The following LRRC1 variants were observed in gnomAD, a reference collection of about 807,000 sequenced individuals.
LRRC1 encodes leucine-rich repeat-containing protein 1.
LRRC1 carries 28 observed loss-of-function variants against 69.9 expected under a neutral mutation model. The observed-to-expected ratio is 0.40, with a 90% CI of 0.30 to 0.55. LRRC1 has a LOEUF of 0.55. LRRC1 is among the 20% of genes least tolerant of loss of function. The pLI is 0.47. For missense variants in LRRC1, 498 were observed against 609.0 expected (o/e 0.82, Z 1.92); for synonymous variants, 236 against 240.2 (o/e 0.98, Z 0.16).
At chr6:53,884,349 A>C (rs1471039886) in intron 4 of LRRC1, among the ~76,000 whole-genome samples, 2 of 150,624 alleles carry the variant, frequency 1.3e-5, no homozygotes, top group Non-Finnish European at 3.0e-5. Context: ...TACAAAAACA[A>C]AAAAAAAATT....
At chr6:53,807,696 G>A (rs960993424) in intron 1 of LRRC1, among the ~76,000 whole-genome samples, 2 of 152,126 alleles carry the variant, frequency 1.3e-5, no homozygotes, top group African/African-American at 4.8e-5. Context: ...AGTGAGCCAA[G>A]ATCACGCCAT....
intron 1 of LRRC1, among the ~76,000 whole-genome samples, chr6:53,836,943 G>C (rs962387793): frequency 6.6e-6 from 1 of 151,968 alleles, no homozygotes; most frequent in African/African-American, 2.4e-5. Context: ...AATTAGTTCA[G>C]GTGATTTATT....
At chr6:53,849,401 C>G in intron 2 of LRRC1, among the ~76,000 whole-genome samples, 1 of 152,220 alleles carries the variant, frequency 6.6e-6, no homozygotes, top group East Asian at 1.9e-4. Context: ...AGTTTCTGCT[C>G]ACTTTTTAAT....
rs374887205 is a variant in LRRC1 at position 53,913,859 on chromosome 6, C to T, written c.996C>T (p.Gly332=). The T allele has an allele frequency of 1.8e-5, 28 of 1,586,646 alleles. No individual in the cohort carries two copies. Among genetic ancestry groups the T allele is most frequent in the East Asian group, 2.2e-5 (1 of 44,542 alleles). The part of the protein sequence containing the change: ...NKLVSLPKEI[G]GCCSLTVFCV... ...TATTTTCTTTCTCACCATAGATCGG[C>T]GGGTGCTGCAGCCTCACTGTGTTCT... The change falls in exon 11 of 14, where the codon GGC becomes GGT. Residue 332 remains glycine (G), a synonymous_variant. Coordinates refer to ENST00000370888, the MANE Select transcript of LRRC1 (RefSeq NM_018214.5).
At chr6:53,914,460 T>G (rs921412929) in intron 11 of LRRC1, among the ~76,000 whole-genome samples, 1 of 152,122 alleles carries the variant, frequency 6.6e-6, no homozygotes, top group African/African-American at 2.4e-5. Context: ...AGGGAAGTGT[T>G]TACAGCTAAT....
chr6:53,879,261 G>A (rs977528119), intron 3 of LRRC1, among the ~76,000 whole-genome samples, 190 bp downstream of exon 3: 3 of 152,174 alleles, frequency 2.0e-5, no homozygotes, highest in East Asian at 1.9e-4. Flanking sequence ...CTATTCTATT[G>A]ATAGAAACCT....
In LRRC1 at chr6:53,920,620, T is replaced by C; in HGVS notation, c.1280-5T>C. The C allele has an allele frequency of 6.2e-7, 1 of 1,614,174 alleles. No homozygotes were observed. The highest frequency in any genetic ancestry group is 8.5e-7 in the Non-Finnish European group (1 of 1,179,992). On this transcript the variant is annotated splice_region_variant and splice_polypyrimidine_tract_variant and intron_variant, in intron 12 of 13. Coordinates refer to ENST00000370888, the MANE Select transcript of LRRC1 (RefSeq NM_018214.5). Reference sequence around the variant, plus strand: ...TCCCTGCTTATGTGGTCTTTGTCACTGCAGAGAATCTGCCTCGCTGTGGTG... The same window carrying C: ...TCCCTGCTTATGTGGTCTTTGTCACCGCAGAGAATCTGCCTCGCTGTGGTG...
At chr6:53,836,431 A>G (rs1765614733) in intron 1 of LRRC1, among the ~76,000 whole-genome samples, 1 of 152,168 alleles carries the variant, frequency 6.6e-6, no homozygotes, top group African/African-American at 2.4e-5. Context: ...CTTACTGCCA[A>G]ACATATAGTG....
At chr6:53,827,432 G>A (rs966408875) in intron 1 of LRRC1, among the ~76,000 whole-genome samples, 1 of 152,056 alleles carries the variant, frequency 6.6e-6, no homozygotes, top group African/African-American at 2.4e-5. Flanking sequence ...GTATAATATG[G>A]TTTATTACTA....
chr6:53,824,363 C>T (rs906298702), intron 1 of LRRC1, among the ~76,000 whole-genome samples: 26 of 151,824 alleles, frequency 1.7e-4, no homozygotes, highest in Non-Finnish European at 2.9e-5. Flanking sequence ...GATTTGTTTA[C>T]ACTCCTTGTA....
At chr6:53,823,417 G>A (rs1478174477) in intron 1 of LRRC1, among the ~76,000 whole-genome samples, 1 of 152,026 alleles carries the variant, frequency 6.6e-6, no homozygotes, top group Admixed American at 6.6e-5. Flanking sequence ...GTAGTGCTAG[G>A]GTTTTTCTAC....
At chr6:53,842,729 A>C (rs551759018) in intron 2 of LRRC1, among the ~76,000 whole-genome samples, 1 of 152,110 alleles carries the variant, frequency 6.6e-6, no homozygotes, top group African/African-American at 2.4e-5. Flanking sequence ...GCTGTGTCTC[A>C]GTTGCTTGGT....
chr6:53,852,958 C>G (rs1028820741), intron 2 of LRRC1, among the ~76,000 whole-genome samples: 6 of 152,148 alleles, frequency 3.9e-5, no homozygotes, highest in African/African-American at 1.4e-4. Flanking sequence ...CTGGGAAGTC[C>G]AAGATCCAGG....
intron 1 of LRRC1, among the ~76,000 whole-genome samples, chr6:53,827,326 A>AC (rs1554180597): frequency 1.3e-5 from 2 of 151,626 alleles, no homozygotes; most frequent in Admixed American, 6.6e-5. Flanking sequence ...AAAAAAAAAA[A>AC]CAGTTGAAGT....
At chr6:53,877,403 T>C (rs1243066400) in intron 2 of LRRC1, among the ~76,000 whole-genome samples, 1 of 152,180 alleles carries the variant, frequency 6.6e-6, no homozygotes, top group Admixed American at 6.5e-5. Flanking sequence ...ACATTCAGCT[T>C]CTCGTTACTT....
At chr6:53,840,934 G>GTGCA (rs1765769192) in intron 1 of LRRC1, among the ~76,000 whole-genome samples, 1 of 149,420 alleles carries the variant, frequency 6.7e-6, no homozygotes. Context: ...GTGTGCGTGC[G>GTGCA]CGCACATTCT....
In LRRC1 at chr6:53,804,001, A is replaced by T. The variant is rs79414915; in HGVS notation, c.159+8586A>T. 2.0e-3 allele frequency among the ~76,000 whole-genome samples: 298 copies of T among 152,238 alleles called. 3 individuals carry two copies. In the East Asian group the frequency reaches 0.041, roughly 21 times the overall value. ...TGTGAGGGCCAGAAAGGGGCTGCAAACCTCTCAGGATGTGATGTGGGCTCT... is the reference window on the plus strand; with the variant it reads ...TGTGAGGGCCAGAAAGGGGCTGCAATCCTCTCAGGATGTGATGTGGGCTCT... On this transcript the variant is annotated intron_variant, in intron 1 of 13. Coordinates refer to ENST00000370888, the MANE Select transcript of LRRC1 (RefSeq NM_018214.5).
At chr6:53,814,134 A>G (rs1221701341) in intron 1 of LRRC1, among the ~76,000 whole-genome samples, 1 of 152,062 alleles carries the variant, frequency 6.6e-6, no homozygotes, top group Non-Finnish European at 1.5e-5. Context: ...CTCATCTTTC[A>G]TAGGATTCAG....
At chr6:53,922,135 A>G (rs1316034934) in intron 13 of LRRC1, among the ~76,000 whole-genome samples, 1 of 152,212 alleles carries the variant, frequency 6.6e-6, no homozygotes, top group Non-Finnish European at 1.5e-5. Context: ...CACAGCAGCA[A>G]AATAAGAAAA....
Sources: allele counts gnomAD v4.1 joint callset (sites outside exome capture counted in the v4.1 genomes callset), GRCh38; gene constraint gnomAD v4.1.1; transcripts MANE v1.5; gene names NCBI Gene and HGNC (gene_info 2026-07-23, HGNC 2026-07-21).